Variants in APLF observed in about 807,000 individuals in gnomAD.
The protein encoded by APLF is aprataxin and PNKP like factor, also known as aprataxin and PNK-like factor.
APLF carries 61 observed loss-of-function variants against 55.6 expected under a neutral mutation model. That is an observed-to-expected ratio of 1.10 (90% CI 0.89 to 1.36). The LOEUF (loss-of-function observed/expected upper bound fraction) is 1.36, where lower values mean the gene tolerates loss of function less well. Ranked by LOEUF, APLF falls within the 40% of genes most tolerant of loss-of-function variation. The pLI, the probability that APLF is intolerant of heterozygous loss-of-function variation, is 0.00. For synonymous variants in APLF, 207 were observed against 214.8 expected, an observed-to-expected ratio of 0.96 and a Z score of 0.32; for missense variants, 611 against 602.5, an observed-to-expected ratio of 1.01 and a Z score of -0.15.
At position 68,526,054 on chromosome 2, in the gene APLF, G is replaced by A. The variant is rs1206287202; in HGVS notation, c.623-7G>A. On this transcript the variant is annotated splice_region_variant and splice_polypyrimidine_tract_variant and intron_variant, in intron 5 of 9. Transcript: ENST00000303795. ...ATAATTTTCTTCTTTTTCTTTATGT[G>A]TTTAAGGTAATGTAATCCAGGGAAG... is the stretch of plus-strand genomic sequence containing the variant. 2 of 1,606,934 alleles carry A rather than the reference G, an allele frequency of 1.2e-6. No individual in the cohort carries two copies. Among genetic ancestry groups the A allele is most frequent in the African/African-American group, 1.3e-5 (1 of 74,262 alleles).
chr2:68,492,003 C>T (rs1209855444), intron 2 of APLF, among the ~76,000 whole-genome samples: 1 of 151,924 alleles, frequency 6.6e-6, no homozygotes, highest in Non-Finnish European at 1.5e-5. Flanking sequence ...ATTAGAAAAC[C>T]GTCATATTTA....
intron 6 of APLF, chr2:68,535,326 A>G: frequency 2.3e-6 from 1 of 436,176 alleles, no homozygotes; most frequent in South Asian, 1.8e-5. Flanking sequence ...ATTTGAAGTA[A>G]ATAATGAAAA....
At chr2:68,535,970 T>C (rs1024103794) in intron 6 of APLF, among the ~76,000 whole-genome samples, 2 of 152,216 alleles carry the variant, frequency 1.3e-5, no homozygotes, top group East Asian at 1.9e-4. Flanking sequence ...ATACATTTTA[T>C]TGAACATCTG....
rs1380219124 is a variant in APLF at position 68,478,366 on chromosome 2, A to G, written c.96+10539A>G. Among the ~76,000 whole-genome samples the G allele has an allele frequency of 2.0e-5, 3 of 152,172 alleles. No individual in the cohort carries two copies. The East Asian group carries it at 5.8e-4, about 29-fold the overall frequency. On this transcript the variant is annotated intron_variant, in intron 1 of 9. Coordinates refer to ENST00000303795, the MANE Select transcript of APLF (RefSeq NM_173545.3). ...GTGGGAAAACCTTGTGCTTTTTGTA[A>G]AACACCTTTTTATCTTGTATTGAAA...
At chr2:68,547,836 A>G (rs1333745473) in intron 8 of APLF, among the ~76,000 whole-genome samples, 1 of 151,782 alleles carries the variant, frequency 6.6e-6, no homozygotes, top group Non-Finnish European at 1.5e-5. Flanking sequence ...ATTTATTGTA[A>G]TTACTTATTT....
At chr2:68,551,642 A>G (rs1670868813) in intron 8 of APLF, among the ~76,000 whole-genome samples, 1 of 119,766 alleles carries the variant, frequency 8.3e-6, no homozygotes, top group Admixed American at 8.7e-5. Flanking sequence ...ATTTTGGTGG[A>G]ACTATCCATT....
Position 68,577,996 on chromosome 2 carries a change from G to A in APLF, c.1510G>A (p.Ala504Thr). The change falls in exon 10 of 10, where the codon GCA (alanine) becomes ACA (threonine). Residue 504 changes from alanine (A) to threonine (T), a missense_variant. Coordinates refer to ENST00000303795, the MANE Select transcript of APLF (RefSeq NM_173545.3). Reference sequence around the variant, plus strand: ...AGATGTGGAAGAGCTTTTGAAAGAAGCAAAAAGGTTTATGAAAAGAAAATA... The same window carrying A: ...AGATGTGGAAGAGCTTTTGAAAGAAACAAAAAGGTTTATGAAAAGAAAATA... ...KEDVEELLKE[A>T]KRFMKRK 6.2e-7 allele frequency: 1 copy of A among 1,612,810 alleles called. No individual in the cohort carries two copies.
chr2:68,490,354 G>A, intron 2 of APLF, 93 bp downstream of exon 2: 1 of 954,332 alleles, frequency 1.0e-6, no homozygotes, highest in Non-Finnish European at 1.5e-6. Context: ...TATGGGAATA[G>A]GGAATTAATG....
chr2:68,498,141 T>C (rs1412460222), intron 2 of APLF, among the ~76,000 whole-genome samples: 2 of 152,258 alleles, frequency 1.3e-5, no homozygotes, highest in East Asian at 1.9e-4. Context: ...AAGTGACTTC[T>C]AGTTCATTCA....
chr2:68,502,984 A>G, intron 3 of APLF, 81 bp downstream of exon 3: 4 of 1,431,516 alleles, frequency 2.8e-6, no homozygotes, highest in Non-Finnish European at 3.8e-6. Flanking sequence ...GGTAGGAACC[A>G]GTAGAAACCA....
intron 8 of APLF, among the ~76,000 whole-genome samples, chr2:68,554,532 C>T (rs1007064200): frequency 1.3e-5 from 2 of 151,960 alleles, no homozygotes; most frequent in African/African-American, 4.8e-5. Context: ...TATCCATGAA[C>T]GTGGGATGTG....
chr2:68,487,812 A>G (rs1008288372), intron 1 of APLF, among the ~76,000 whole-genome samples: 11 of 152,064 alleles, frequency 7.2e-5, no homozygotes, highest in African/African-American at 2.7e-4. Context: ...TTGTGTATTC[A>G]CTATTTAGGG....
At chr2:68,531,235 G>T (rs1670246756) in intron 6 of APLF, 1 of 152,142 alleles carries the variant, frequency 6.6e-6, no homozygotes, top group Non-Finnish European at 1.5e-5. Context: ...GATAGAGATG[G>T]CCCCAGGACA....
intron 7 of APLF, among the ~76,000 whole-genome samples, chr2:68,540,527 G>C (rs1418658604): frequency 6.6e-6 from 1 of 152,060 alleles, no homozygotes; most frequent in Non-Finnish European, 1.5e-5. Flanking sequence ...TATATACCCA[G>C]TAATGGGATT....
intron 5 of APLF, among the ~76,000 whole-genome samples, chr2:68,517,167 C>T (rs13418057): frequency 0.095 from 11,507 of 120,662 alleles, 656 homozygotes; most frequent in Middle Eastern, 0.19. Flanking sequence ...TATAATATAT[C>T]AATATATAAT....
intron 3 of APLF, among the ~76,000 whole-genome samples, chr2:68,509,785 A>G (rs1297622486): frequency 1.3e-5 from 2 of 152,136 alleles, no homozygotes; most frequent in African/African-American, 4.8e-5. Context: ...TTATTGCAGC[A>G]CTATTCACAA....
At chr2:68,520,857 G>T (rs1573214405) in intron 5 of APLF, among the ~76,000 whole-genome samples, 1 of 152,048 alleles carries the variant, frequency 6.6e-6, no homozygotes, top group East Asian at 1.9e-4. Flanking sequence ...TGTGAAGAAT[G>T]ATGGTGGTAT....
intron 7 of APLF, among the ~76,000 whole-genome samples, chr2:68,541,864 G>A (rs141823584): frequency 6.6e-6 from 1 of 152,102 alleles, no homozygotes; most frequent in Non-Finnish European, 1.5e-5. Flanking sequence ...AAAGTTGGAG[G>A]TCTCACACTT....
chr2:68,526,024 A>G (rs765349759), intron 5 of APLF, 37 bp from the exon 6 acceptor site: 13 of 1,550,196 alleles, frequency 8.4e-6, no homozygotes, highest in South Asian at 1.2e-5. Context: ...TTGAAGATAC[A>G]GAAGATAATT....
Sources: gnomAD v4.1 joint callset for allele counts (sites outside exome capture counted in the v4.1 genomes callset) on GRCh38, gnomAD v4.1.1 for gene constraint, MANE v1.5 for transcripts, NCBI Gene and HGNC (gene_info 2026-07-23, HGNC 2026-07-21) for gene names.